The following AKAP13 variants were observed in gnomAD, a reference collection of about 807,000 sequenced individuals.
AKAP13 encodes the protein A-kinase anchoring protein 13.
AKAP13 carries 80 observed loss-of-function variants against 264.5 expected under a neutral mutation model. The ratio of observed to expected loss-of-function variants is 0.30; its 90% CI spans 0.25 to 0.36. The LOEUF (loss-of-function observed/expected upper bound fraction) is 0.36, where lower values mean the gene tolerates loss of function less well. Among genes scored for constraint, AKAP13 ranks in the 10% least tolerant of loss-of-function variants. The pLI is 1.00. For synonymous variants in AKAP13, 1,380 were observed against 1,250.2 expected (o/e 1.10, Z -2.19); for missense variants, 3,712 against 3,435.2 (o/e 1.08, Z -2.01).
chr15:85,397,130 T>C (rs965980303), intron 1 of AKAP13, among the ~76,000 whole-genome samples: 38 of 149,016 alleles, frequency 2.6e-4, no homozygotes, highest in African/African-American at 9.3e-4. Context: ...AATACCTCCA[T>C]AAATCTTGTA....
chr15:85,684,907 C>A (rs1238814375), intron 16 of AKAP13, 34 bp downstream of exon 16: 1 of 1,602,704 alleles, frequency 6.2e-7, no homozygotes, highest in Non-Finnish European at 8.5e-7. Flanking sequence ...TTGTGATCAC[C>A]TCAGTAGGAT....
intron 2 of AKAP13, among the ~76,000 whole-genome samples, chr15:85,500,676 C>T (rs1382995674): frequency 6.6e-6 from 1 of 152,154 alleles, no homozygotes; most frequent in Non-Finnish European, 1.5e-5. Context: ...ACATTTCCCC[C>T]CCAGAGATTC....
At chr15:85,666,232 A>T (rs2151553085) in intron 13 of AKAP13, among the ~76,000 whole-genome samples, 1 of 152,242 alleles carries the variant, frequency 6.6e-6, no homozygotes, top group East Asian at 1.9e-4. Flanking sequence ...CTGGTGTGAG[A>T]TGGTATCTCA....
chr15:85,491,046 AAT>A (rs952946293), intron 2 of AKAP13, among the ~76,000 whole-genome samples: 60 of 152,160 alleles, frequency 3.9e-4, no homozygotes, highest in African/African-American at 1.4e-3. Flanking sequence ...GTAGTAACTT[AAT>A]ATGTTTGAGG....
intron 1 of AKAP13, among the ~76,000 whole-genome samples, chr15:85,423,980 G>A (rs1393096173): frequency 2.0e-5 from 3 of 152,184 alleles, no homozygotes; most frequent in African/African-American, 7.2e-5. Context: ...GGTCACAACA[G>A]TGACCTTAAA....
At chr15:85,486,236 A>G (rs906733461) in intron 2 of AKAP13, among the ~76,000 whole-genome samples, 2 of 150,790 alleles carry the variant, frequency 1.3e-5, no homozygotes, top group African/African-American at 2.4e-5. Flanking sequence ...TCTTGATGCT[A>G]TCCTTTCAAG....
At chr15:85,453,584 C>G (rs1717725313) in intron 1 of AKAP13, among the ~76,000 whole-genome samples, 1 of 152,074 alleles carries the variant, frequency 6.6e-6, no homozygotes, top group East Asian at 1.9e-4. Flanking sequence ...GGGAGGTCCC[C>G]CAGTGAGGAG....
intron 8 of AKAP13, among the ~76,000 whole-genome samples, chr15:85,605,760 C>T (rs1329321538): frequency 6.6e-6 from 1 of 152,124 alleles, no homozygotes; most frequent in Non-Finnish European, 1.5e-5. Context: ...ACCCAAACTT[C>T]CATTTATATT....
chr15:85,632,056 C>G (rs1298854106), intron 8 of AKAP13, among the ~76,000 whole-genome samples: 1 of 152,070 alleles, frequency 6.6e-6, no homozygotes, highest in Non-Finnish European at 1.5e-5. Flanking sequence ...ATTTTTAATA[C>G]TATATAATAT....
chr15:85,698,930 C>T (rs996590307), intron 17 of AKAP13, among the ~76,000 whole-genome samples: 4 of 115,676 alleles, frequency 3.5e-5, no homozygotes, highest in South Asian at 2.7e-4. Flanking sequence ...GGAAACAGAG[C>T]GAGACCTTGT....
At chr15:85,615,280 A>G (rs2080883875) in intron 8 of AKAP13, among the ~76,000 whole-genome samples, 1 of 152,200 alleles carries the variant, frequency 6.6e-6, no homozygotes, top group Non-Finnish European at 1.5e-5. Flanking sequence ...TAATTTGAAA[A>G]GAAATGGTGG....
chr15:85,720,106 C>CACTTG (rs1321503945), intron 23 of AKAP13, among the ~76,000 whole-genome samples: 2 of 151,964 alleles, frequency 1.3e-5, no homozygotes, highest in Admixed American at 6.6e-5. Context: ...TGGTAGTGCA[C>CACTTG]ACTTGTGGTC....
At chr15:85,600,491 A>G (rs909564328) in intron 8 of AKAP13, among the ~76,000 whole-genome samples, 2 of 152,172 alleles carry the variant, frequency 1.3e-5, no homozygotes, top group African/African-American at 4.8e-5. Context: ...GATATACACA[A>G]TTACTTGGAG....
At chr15:85,461,110 A>C (rs570007368) in intron 1 of AKAP13, among the ~76,000 whole-genome samples, 2 of 92,378 alleles carry the variant, frequency 2.2e-5, no homozygotes, top group East Asian at 6.1e-4. Context: ...GGACTGTATA[A>C]TTTTATTTTA....
rs888059655 is a variant in AKAP13 at position 85,723,069 on chromosome 15, A to C, written c.6497-3A>C. The C allele has an allele frequency of 6.2e-7, 1 of 1,611,974 alleles. No homozygotes were observed. On this transcript the variant is annotated splice_region_variant and splice_polypyrimidine_tract_variant and intron_variant, in intron 25 of 36. Transcript: ENST00000394518. ...AAAAACAGAATTATTCTTTCCTTCC[A>C]AGACAATGAAGTGGAGCAGGAAGAT...
intron 8 of AKAP13, among the ~76,000 whole-genome samples, chr15:85,635,558 T>C (rs1340024890): frequency 6.6e-6 from 1 of 152,140 alleles, no homozygotes; most frequent in Non-Finnish European, 1.5e-5. Context: ...AGTAAAAGTT[T>C]TTAAGGTTGA....
chr15:85,460,039 C>G (rs2074446344), intron 1 of AKAP13, among the ~76,000 whole-genome samples: 5 of 152,200 alleles, frequency 3.3e-5, no homozygotes, highest in Admixed American at 3.3e-4. Context: ...CACAGACTTA[C>G]CTTTTCAAAT....
chr15:85,710,483 T>G, intron 18 of AKAP13, 96 bp from the exon 19 acceptor site: 1 of 1,214,720 alleles, frequency 8.2e-7, no homozygotes, highest in Non-Finnish European at 1.2e-6. Flanking sequence ...AAAAGCAGAG[T>G]GGGAAAGGAA....
At chr15:85,622,780 A>G (rs1331799785) in intron 8 of AKAP13, among the ~76,000 whole-genome samples, 1 of 152,234 alleles carries the variant, frequency 6.6e-6, no homozygotes, top group African/African-American at 2.4e-5. Context: ...GTGCAGTCCC[A>G]GGTTGGACTG....
Sources: gnomAD v4.1 joint callset for allele counts (sites outside exome capture counted in the v4.1 genomes callset) on GRCh38, gnomAD v4.1.1 for gene constraint, MANE v1.5 for transcripts, NCBI Gene and HGNC (gene_info 2026-07-23, HGNC 2026-07-21) for gene names.